Variants in PCDHA4 observed in about 807,000 individuals in gnomAD.
PCDHA4 encodes the protein protocadherin alpha 4, also known as protocadherin alpha-4.
A neutral mutation model predicts 61.4 loss-of-function variants in PCDHA4; 49 were observed. The ratio of observed to expected loss-of-function variants is 0.80; its 90% CI spans 0.63 to 1.01. PCDHA4 has a LOEUF of 1.01. PCDHA4 is among the 50% of genes least tolerant of loss of function. The pLI, the probability that PCDHA4 is intolerant of heterozygous loss-of-function variation, is 0.00. For synonymous variants in PCDHA4, 590 were observed against 550.3 expected, an observed-to-expected ratio of 1.07 and a Z score of -1.01; for missense variants, 1,254 against 1,235.8, an observed-to-expected ratio of 1.01 and a Z score of -0.22.
At chr5:140,835,709 C>A (rs2150242768) in intron 1 of PCDHA4, 4 of 1,613,352 alleles carry the variant, frequency 2.5e-6, no homozygotes, top group Non-Finnish European at 3.4e-6. Flanking sequence ...CTAGCGTGTC[C>A]GTGGAGGTGG....
At chr5:140,882,279 C>A (rs1456228410) in intron 1 of PCDHA4, 1 of 1,612,386 alleles carries the variant, frequency 6.2e-7, no homozygotes, top group Non-Finnish European at 8.5e-7. Context: ...ATGCTGTCTT[C>A]CTGGCAAGGA....
intron 1 of PCDHA4, among the ~76,000 whole-genome samples, chr5:140,875,000 C>A (rs2055209641): frequency 3.3e-5 from 5 of 152,130 alleles, no homozygotes; most frequent in Admixed American, 3.3e-4. Flanking sequence ...TATCATTTTC[C>A]ATGATAAAGT....
At position 140,809,476 on chromosome 5, in the gene PCDHA4, C is replaced by A. The variant is rs781791208; in HGVS notation, c.2289C>A (p.Gly763=). ...QRRPRVCSGE[G]PPKTDLMAFS... is the part of the protein sequence containing the mutation. ...GGCCGAGGGTGTGCTCTGGTGAGGG[C>A]CCACCCAAGACCGACCTCATGGCCT... The change falls in exon 1 of 4, where the codon GGC becomes GGA. Residue 763 remains glycine, a synonymous_variant. Transcript: ENST00000530339. The A allele has an allele frequency of 1.2e-6, 2 of 1,614,220 alleles. No individual in the cohort carries two copies. Among genetic ancestry groups the A allele is most frequent in the Non-Finnish European group, 1.7e-6 (2 of 1,180,034 alleles).
rs1441365634 is a variant in PCDHA4, at chr5:140,822,733, G to T, written c.2385+13161G>T. 3 of 1,613,118 alleles carry T rather than the reference G, an allele frequency of 1.9e-6. No individual in the cohort carries two copies. In the African/African-American group the frequency reaches 4.0e-5, roughly 22 times the overall value. On this transcript the variant is annotated intron_variant, in intron 1 of 3. Coordinates refer to ENST00000530339, the MANE Select transcript of PCDHA4 (RefSeq NM_018907.4). ...CTATAACTCATATGAAATTAATATT[G>T]ATGCCATGGATAAAAGTACATTCCC... is the stretch of plus-strand genomic sequence containing the variant.
chr5:140,844,162 T>C (rs1328391429), intron 1 of PCDHA4, among the ~76,000 whole-genome samples: 8 of 149,794 alleles, frequency 5.3e-5, no homozygotes, highest in Non-Finnish European at 1.0e-4. Context: ...TTTTATTCAC[T>C]TTAAGATCTC....
intron 1 of PCDHA4, chr5:140,816,337 C>T (rs1459118392): frequency 6.6e-6 from 1 of 152,084 alleles, no homozygotes; most frequent in Non-Finnish European, 1.5e-5. Context: ...TTCTTCAGTT[C>T]CAAAATTTCT....
intron 1 of PCDHA4, among the ~76,000 whole-genome samples, chr5:140,887,550 TACTG>T (rs2061493394): frequency 1.3e-5 from 2 of 152,206 alleles, no homozygotes; most frequent in Non-Finnish European, 2.9e-5. Flanking sequence ...CCCTCATGGT[TACTG>T]TTAAAACTTT....
intron 1 of PCDHA4, among the ~76,000 whole-genome samples, chr5:140,908,042 C>T (rs2073761027): frequency 1.3e-5 from 2 of 152,196 alleles, no homozygotes; most frequent in African/African-American, 2.4e-5. Context: ...TATATAATTG[C>T]ACATCCGGCC....
chr5:140,845,806 G>A lies in PCDHA4; in HGVS notation c.2385+36234G>A, dbSNP rs181852122. ...AATAATAAACTCTGGCAAGTGATAGGTACATAATAAAATTTAGTTATTACC... is the reference window on the plus strand; with the variant it reads ...AATAATAAACTCTGGCAAGTGATAGATACATAATAAAATTTAGTTATTACC... On this transcript the variant is annotated intron_variant, in intron 1 of 3. Transcript: ENST00000530339. 4.5e-3 allele frequency among the ~76,000 whole-genome samples: 673 copies of A among 149,580 alleles called. 58 individuals carry two copies. The highest frequency in any genetic ancestry group is 6.8e-3 in the Middle Eastern group (2 of 292).
chr5:140,861,377 G>T (rs2046888604), intron 1 of PCDHA4: 1 of 418,518 alleles, frequency 2.4e-6, no homozygotes, highest in South Asian at 2.0e-5. Context: ...TCCCTATTGC[G>T]CAGGACCTGG....
At chr5:140,867,360 T>C (rs1172405251) in intron 1 of PCDHA4, 1 of 152,152 alleles carries the variant, frequency 6.6e-6, no homozygotes, top group Non-Finnish European at 1.5e-5. Flanking sequence ...TTGATTATTT[T>C]ACAGATGCGT....
At position 140,927,248 on chromosome 5, in the gene PCDHA4, A is replaced by T. The variant is rs572200211; in HGVS notation, c.2386-51701A>T. On this transcript the variant is annotated intron_variant, in intron 1 of 3. Transcript: ENST00000530339. The stretch of plus-strand genomic sequence containing the variant: ...CGGATTCACGTCCTGGACACCAATG[A>T]CAACTCACCTCTCTTTCCTGCCGGC... 3.5e-5 allele frequency: 56 copies of T among 1,614,064 alleles called. No homozygotes were observed. The South Asian group carries it at 5.7e-4, about 16-fold the overall frequency.
At chr5:140,970,562 A>G (rs1406680335) in intron 1 of PCDHA4, among the ~76,000 whole-genome samples, 1 of 152,156 alleles carries the variant, frequency 6.6e-6, no homozygotes, top group African/African-American at 2.4e-5. Flanking sequence ...TCGTCTCCAT[A>G]TGTATGCTTG....
At chr5:140,956,403 A>C (rs1475566345) in intron 1 of PCDHA4, among the ~76,000 whole-genome samples, 1 of 152,178 alleles carries the variant, frequency 6.6e-6, no homozygotes, top group African/African-American at 2.4e-5. Context: ...ATCCATTGAG[A>C]TAATCATGTG....
intron 1 of PCDHA4, among the ~76,000 whole-genome samples, chr5:140,947,834 A>G (rs2094182215): frequency 6.6e-6 from 1 of 151,584 alleles, no homozygotes; most frequent in Non-Finnish European, 1.5e-5. Flanking sequence ...CAATATTAAT[A>G]TTTGTTTATT....
At chr5:140,847,142 A>C (rs1780872222) in intron 1 of PCDHA4, among the ~76,000 whole-genome samples, 1 of 149,820 alleles carries the variant, frequency 6.7e-6, no homozygotes, top group South Asian at 2.1e-4. Flanking sequence ...CAATGTAAGA[A>C]GATCTCTTGA....
chr5:140,887,941 A>C (rs529131971), intron 1 of PCDHA4, among the ~76,000 whole-genome samples: 25 of 152,194 alleles, frequency 1.6e-4, no homozygotes, highest in Admixed American at 7.8e-4. Flanking sequence ...TTTATTTCTT[A>C]TCTGTATAAG....
chr5:140,869,288 G>A lies in PCDHA4; in HGVS notation c.2385+59716G>A, dbSNP rs950790626. 6.2e-6 allele frequency: 10 copies of A among 1,613,460 alleles called. No individual in the cohort carries two copies. The highest frequency in any genetic ancestry group is 1.7e-5 in the Admixed American group (1 of 59,996). On this transcript the variant is annotated intron_variant, in intron 1 of 3. Coordinates refer to ENST00000530339, the MANE Select transcript of PCDHA4 (RefSeq NM_018907.4). ...CTGGAGCTGGCGGAGCTGGTGCAGC[G>A]CCTGTTCCGGGTGGCGTCCAAAACA...
chr5:140,841,682 G>A (rs2150320729), intron 1 of PCDHA4: 3 of 1,613,962 alleles, frequency 1.9e-6, no homozygotes, highest in East Asian at 2.2e-5. Flanking sequence ...CCATGTGGAC[G>A]TGGAGGTGAA....
Sources: allele counts gnomAD v4.1 joint callset (sites outside exome capture counted in the v4.1 genomes callset), GRCh38; gene constraint gnomAD v4.1.1; transcripts MANE v1.5; gene names NCBI Gene and HGNC (gene_info 2026-07-23, HGNC 2026-07-21).